The following TRIO variants were observed in gnomAD, a reference collection of about 807,000 sequenced individuals.
TRIO encodes the protein trio Rho guanine nucleotide exchange factor, also known as triple functional domain protein.
TRIO carries 58 observed loss-of-function variants against 351.9 expected under a neutral mutation model. The observed-to-expected ratio is 0.16, with a 90% CI of 0.13 to 0.21. TRIO has a LOEUF of 0.21. Ranked by LOEUF, TRIO falls within the 10% of genes least tolerant of loss-of-function variation. The pLI is 1.00. For missense variants in TRIO, 3,201 were observed against 4,027.8 expected (o/e 0.79, Z 5.56); for synonymous variants, 1,758 against 1,595.7 (o/e 1.10, Z -2.42).
chr5:14,401,231 G>T (rs1263162747), intron 31 of TRIO, among the ~76,000 whole-genome samples, 167 bp downstream of exon 31: 1 of 152,208 alleles, frequency 6.6e-6, no homozygotes, highest in Non-Finnish European at 1.5e-5. Flanking sequence ...AATAAATTCA[G>T]TTTGGTGTTC....
In TRIO at chr5:14,277,685, C is replaced by T. The variant is rs532422119; in HGVS notation, c.233-2637C>T. ...ATTTGTGACTTTTCTGCGTTATACT[C>T]AGATGCTATTTTCATTTGGGTACTT... On this transcript the variant is annotated intron_variant, in intron 2 of 56. Coordinates refer to ENST00000344204, the MANE Select transcript of TRIO (RefSeq NM_007118.4). Among the ~76,000 whole-genome samples, 247 of 152,326 alleles carry T rather than the reference C, an allele frequency of 1.6e-3. 1 individual carries two copies. Among genetic ancestry groups the T allele is most frequent in the Non-Finnish European group, 2.9e-3 (197 of 68,032 alleles).
At chr5:14,270,455 T>TA (rs1196227515) in intron 1 of TRIO, among the ~76,000 whole-genome samples, 1 of 152,226 alleles carries the variant, frequency 6.6e-6, no homozygotes, top group African/African-American at 2.4e-5. Context: ...AAAGCAGTGT[T>TA]GCTGTTTTCT....
intron 4 of TRIO, among the ~76,000 whole-genome samples, chr5:14,290,511 GC>G (rs1488783590): frequency 6.6e-6 from 1 of 152,144 alleles, no homozygotes; most frequent in African/African-American, 2.4e-5. Flanking sequence ...TATATGTGTT[GC>G]TATAATGGAT....
At position 14,275,322 on chromosome 5, in the gene TRIO, A is replaced by T. The variant is rs78111467; in HGVS notation, c.232+4423A>T. On this transcript the variant is annotated intron_variant, in intron 2 of 56. Transcript: ENST00000344204. ...TATGCTATTAGAAATCTACAGACCT[A>T]CTACTGTATTTTAAAGTCACATGAA... is the stretch of plus-strand genomic sequence containing the variant. 5.1e-3 allele frequency among the ~76,000 whole-genome samples: 775 copies of T among 152,252 alleles called. 10 individuals carry two copies. The highest frequency in any genetic ancestry group is 0.018 in the African/African-American group (751 of 41,530).
At chr5:14,240,671 C>T (rs1794074245) in intron 1 of TRIO, among the ~76,000 whole-genome samples, 3 of 152,178 alleles carry the variant, frequency 2.0e-5, no homozygotes, top group African/African-American at 2.4e-5. Flanking sequence ...GACTTGCTGC[C>T]TTCTCCAGAG....
Position 14,461,302 on chromosome 5 carries a change from G to C in TRIO, c.5487G>C (p.Thr1829=). The C allele has an allele frequency of 1.3e-6, 2 of 1,572,278 alleles. No homozygotes were observed. Among genetic ancestry groups the C allele is most frequent in the Non-Finnish European group, 1.7e-6 (2 of 1,158,594 alleles). The stretch of plus-strand genomic sequence containing the variant: ...GTGCGGCCACCCCGCAGGACGAGAC[G>C]GTCGAGGAGGTGAGGCTCTGCCCGC... ...DDSAATPQDE[T]VEERGRNEGL... is the part of the protein sequence containing the mutation. Residue 1829 remains threonine (T), a synonymous_variant, in exon 35 of 57, where the codon ACG becomes ACC. Transcript: ENST00000344204.
chr5:14,471,110 A>AATTTT (rs201601054), intron 37 of TRIO, among the ~76,000 whole-genome samples: 1 of 8,902 alleles, frequency 1.1e-4, no homozygotes, highest in African/African-American at 2.9e-4. Flanking sequence ...TTTCATTCCA[A>AATTTT]CTTTTTTCTC....
intron 43 of TRIO, among the ~76,000 whole-genome samples, chr5:14,480,403 T>TC (rs1755425560): frequency 6.6e-6 from 1 of 152,236 alleles, no homozygotes; most frequent in African/African-American, 2.4e-5. Context: ...GAATTTTTTT[T>TC]CCCCCACCAC....
chr5:14,329,921 T>C (rs1488741368), intron 9 of TRIO, among the ~76,000 whole-genome samples: 7 of 152,204 alleles, frequency 4.6e-5, no homozygotes, highest in Non-Finnish European at 7.4e-5. Context: ...CTGCAAATAC[T>C]GTAGTTTCAG....
At position 14,232,076 on chromosome 5, in the gene TRIO, G is replaced by C. The variant is rs1793469267; in HGVS notation, c.158-38749G>C. ...GTTATCTCACTTAATCTTTATGACA[G>C]CCCATGGAGGGTAGGTCTCATTATC... On this transcript the variant is annotated intron_variant, in intron 1 of 56. Transcript: ENST00000344204. Among the ~76,000 whole-genome samples, 3 of 152,188 alleles carry C rather than the reference G, an allele frequency of 2.0e-5. No homozygotes were observed. The South Asian group carries it at 6.2e-4, about 32-fold the overall frequency.
At chr5:14,178,903 G>A (rs1486940578) in intron 1 of TRIO, among the ~76,000 whole-genome samples, 1 of 152,204 alleles carries the variant, frequency 6.6e-6, no homozygotes, top group African/African-American at 2.4e-5. Context: ...ATAGCCTGGA[G>A]TGGCTGAATC....
At chr5:14,403,194 TGCAG>T (rs1266297033) in intron 31 of TRIO, among the ~76,000 whole-genome samples, 14 of 103,080 alleles carry the variant, frequency 1.4e-4, no homozygotes, top group African/African-American at 4.9e-4. Context: ...GTGGTGAGGG[TGCAG>T]GTTGTGGTGA....
chr5:14,201,190 G>A (rs1040085870), intron 1 of TRIO, among the ~76,000 whole-genome samples: 1 of 152,008 alleles, frequency 6.6e-6, no homozygotes, highest in African/African-American at 2.4e-5. Context: ...AACCCGGGAG[G>A]CAGAGGTTGC....
At chr5:14,479,718 A>G (rs1197497205) in intron 42 of TRIO, among the ~76,000 whole-genome samples, 1 of 152,218 alleles carries the variant, frequency 6.6e-6, no homozygotes, top group Non-Finnish European at 1.5e-5. Context: ...AACAAGCATA[A>G]AAGACTGCTT....
At chr5:14,372,797 G>T in intron 18 of TRIO, among the ~76,000 whole-genome samples, 1 of 152,320 alleles carries the variant, frequency 6.6e-6, no homozygotes, top group East Asian at 1.9e-4. Context: ...TTCAAGGCAG[G>T]TTGCTTAGCT....
intron 21 of TRIO, among the ~76,000 whole-genome samples, chr5:14,384,493 C>A (rs1346400568): frequency 6.6e-6 from 1 of 151,540 alleles, no homozygotes; most frequent in Non-Finnish European, 1.5e-5. Flanking sequence ...CTAGAGATAA[C>A]AAATAGAATA....
chr5:14,358,225 G>A lies in TRIO; in HGVS notation c.2094G>A (p.Val698=), dbSNP rs749661480. 1 of 1,614,156 alleles carries A rather than the reference G, an allele frequency of 6.2e-7. No homozygotes were observed. The highest frequency in any genetic ancestry group is 8.5e-7 in the Non-Finnish European group (1 of 1,179,986). Residue 698 remains valine, a synonymous_variant, in exon 12 of 57, where the codon GTG becomes GTA. Transcript: ENST00000344204. ...EELQKELLDD[V]YAESVEAVQD... is the part of the protein sequence containing the mutation. ...TGCAGAAGGAGCTGCTGGACGACGT[G>A]TATGCCGAGTCGGTGGAGGCCGTGC... is the stretch of plus-strand genomic sequence containing the variant.
intron 7 of TRIO, among the ~76,000 whole-genome samples, chr5:14,300,542 C>T (rs1737787890): frequency 6.6e-6 from 1 of 152,188 alleles, no homozygotes; most frequent in Non-Finnish European, 1.5e-5. Flanking sequence ...ATCCGATCAC[C>T]TTAATTTATC....
chr5:14,401,152 T>C, intron 31 of TRIO, 88 bp downstream of exon 31: 1 of 1,113,552 alleles, frequency 9.0e-7, no homozygotes, highest in Non-Finnish European at 1.3e-6. Flanking sequence ...CATATTATTA[T>C]TATTTGTTGT....
Sources: gnomAD v4.1 joint callset for allele counts (sites outside exome capture counted in the v4.1 genomes callset) on GRCh38, gnomAD v4.1.1 for gene constraint, MANE v1.5 for transcripts, NCBI Gene and HGNC (gene_info 2026-07-23, HGNC 2026-07-21) for gene names.